Variants in NPHP4 observed in about 807,000 individuals in gnomAD.
The protein encoded by NPHP4 is nephrocystin-4.
Under a neutral mutation model 155.8 loss-of-function variants are expected in NPHP4, and 151 were observed. The observed-to-expected ratio is 0.97, with a 90% CI of 0.85 to 1.11. The LOEUF is 1.11. Among genes scored for constraint, NPHP4 ranks in the 50% least tolerant of loss-of-function variants. NPHP4 has a pLI of 0.00. For synonymous variants in NPHP4, 845 were observed against 816.8 expected, an observed-to-expected ratio of 1.03 and a Z score of -0.59; for missense variants, 1,956 against 1,925.7, an observed-to-expected ratio of 1.02 and a Z score of -0.29.
chr1:5,915,028 G>GT (rs1645396164), intron 11 of NPHP4, among the ~76,000 whole-genome samples: 1 of 152,204 alleles, frequency 6.6e-6, no homozygotes, highest in Non-Finnish European at 1.5e-5. Flanking sequence ...TCCTAACAGA[G>GT]GAAAATGCTC....
chr1:5,967,267 T>G, intron 5 of NPHP4, 32 bp downstream of exon 5: 10 of 1,562,896 alleles, frequency 6.4e-6, no homozygotes, highest in Non-Finnish European at 8.7e-6. Flanking sequence ...ACGAGAGCAG[T>G]GAGTGCTGCC....
chr1:5,948,397 T>G, intron 7 of NPHP4, 146 bp from the exon 8 acceptor site: 1 of 633,922 alleles, frequency 1.6e-6, no homozygotes. Flanking sequence ...TCAAGATGAG[T>G]GCAAGCAAAT....
chr1:5,930,657 C>T (rs12353987), intron 10 of NPHP4, among the ~76,000 whole-genome samples: 3,210 of 152,278 alleles, frequency 0.021, 92 homozygotes, highest in African/African-American at 0.07. Context: ...TCTCAACTCT[C>T]TTAAAACTGA....
At chr1:5,893,372 T>G (rs1827501) in intron 16 of NPHP4, among the ~76,000 whole-genome samples, 1 of 152,060 alleles carries the variant, frequency 6.6e-6, no homozygotes, top group Non-Finnish European at 1.5e-5. Flanking sequence ...CAGGGTAAAG[T>G]GTGTGAGTCA....
intron 20 of NPHP4, among the ~76,000 whole-genome samples, chr1:5,875,394 C>T (rs894042832): frequency 3.3e-5 from 5 of 152,216 alleles, no homozygotes; most frequent in South Asian, 2.1e-4. Flanking sequence ...TCTGGCCCCC[C>T]GCACGGTGGA....
chr1:5,985,341 T>C (rs1226394331), intron 2 of NPHP4, among the ~76,000 whole-genome samples: 2 of 152,226 alleles, frequency 1.3e-5, no homozygotes, highest in East Asian at 3.8e-4. Context: ...GGGTGTCCCG[T>C]GGGCAGCAGC....
chr1:5,916,148 C>CA (rs1374126249), intron 11 of NPHP4, among the ~76,000 whole-genome samples: 4 of 152,140 alleles, frequency 2.6e-5, no homozygotes, highest in Non-Finnish European at 5.9e-5. Context: ...TTCCAAGTTA[C>CA]AAAAAAATAA....
Position 5,874,560 on chromosome 1 carries a change from C to G in NPHP4, c.3142G>C (p.Ala1048Pro). The G allele has an allele frequency of 1.2e-6, 2 of 1,605,604 alleles. No homozygotes were observed. The highest frequency in any genetic ancestry group is 1.7e-6 in the Non-Finnish European group (2 of 1,176,792). The change falls in exon 22 of 30, where the codon GCC becomes CCC. Residue 1048 changes from alanine (A) to proline (P), a missense_variant. Coordinates refer to ENST00000378156, the MANE Select transcript of NPHP4 (RefSeq NM_015102.5). ...EDMFHLRGSL[A>P]PQLYLRPHET... The stretch of plus-strand genomic sequence containing the variant: ...TGGGGGCGCAGGTAGAGCTGGGGGG[C>G]CAGGCTGCCACGCAGGTGGAACATG...
chr1:5,985,056 C>T (rs1655264978), intron 2 of NPHP4, among the ~76,000 whole-genome samples: 1 of 152,198 alleles, frequency 6.6e-6, no homozygotes, highest in African/African-American at 2.4e-5. Flanking sequence ...AAGCAGCAGC[C>T]ACCACAGTAC....
rs529397470 is a variant in NPHP4 at position 5,945,791 on chromosome 1, G to A, written c.1119+1313C>T. Among the ~76,000 whole-genome samples the A allele has an allele frequency of 7.9e-5, 12 of 152,308 alleles. No homozygotes were observed. In the East Asian group the frequency reaches 2.3e-3, roughly 29 times the overall value. ...AAGTACCCCGATCTGCAGTTTCAGT[G>A]ACCCTCAGTCAACCTTGGTCTGAAA... is the stretch of plus-strand genomic sequence containing the variant. On this transcript the variant is annotated intron_variant, in intron 9 of 29. Transcript: ENST00000378156.
chr1:5,961,955 G>A lies in NPHP4; in HGVS notation c.518-6C>T, dbSNP rs763077205. 1.1e-5 allele frequency: 17 copies of A among 1,590,374 alleles called. No homozygotes were observed. In the Admixed American group the frequency reaches 2.4e-4, roughly 22 times the overall value. Reference sequence around the variant, plus strand: ...GAGGGTCATGTGTCTGTTTTCTGGTGAAGAAAACACAATGTGATCAACTGA... The same window carrying A: ...GAGGGTCATGTGTCTGTTTTCTGGTAAAGAAAACACAATGTGATCAACTGA... On this transcript the variant is annotated splice_polypyrimidine_tract_variant and splice_region_variant and intron_variant, in intron 5 of 29. Transcript: ENST00000378156.
chr1:5,929,869 A>G (rs11120805), intron 10 of NPHP4, among the ~76,000 whole-genome samples: 32,136 of 152,094 alleles, frequency 0.21, 4,026 homozygotes, highest in African/African-American at 0.35. Context: ...GAAATAGATT[A>G]TATAAAAGTG....
chr1:5,933,171 G>C lies in NPHP4; in HGVS notation c.1278C>G (p.Pro426=), dbSNP rs753186961. The change falls in exon 10 of 30, where the codon CCC becomes CCG. Residue 426 remains proline (P), a synonymous_variant. Coordinates refer to ENST00000378156, the MANE Select transcript of NPHP4 (RefSeq NM_015102.5). The part of the protein sequence containing the change: ...NPSHCLVYKV[P]SASMSSEEVK... ...CCTCTTCAGAGCTCATGCTGGCTGA[G>C]GGTACCTTGTAGACCAGACAGTGCG... 1.9e-6 allele frequency: 3 copies of C among 1,598,866 alleles called. No homozygotes were observed. Among genetic ancestry groups the C allele is most frequent in the Non-Finnish European group, 1.7e-6 (2 of 1,168,740 alleles).
chr1:5,863,715 C>T (rs1456204990), intron 29 of NPHP4, 175 bp downstream of exon 29: 2 of 683,254 alleles, frequency 2.9e-6, no homozygotes, highest in African/African-American at 1.8e-5. Context: ...GCTAAATCTC[C>T]AGCTACTAAA....
Position 5,867,195 on chromosome 1 carries a change from T to A in NPHP4, c.3473-80A>T. ...AGAAGGCCCCACACATTACACACTATAGGACAGGACAGGCTCGTCACAGGT... is the reference window on the plus strand; with the variant it reads ...AGAAGGCCCCACACATTACACACTAAAGGACAGGACAGGCTCGTCACAGGT... On this transcript the variant is annotated intron_variant, in intron 24 of 29. Coordinates refer to ENST00000378156, the MANE Select transcript of NPHP4 (RefSeq NM_015102.5). The surrounding 1 kb of genome is among the most constrained non-coding windows in gnomAD (Gnocchi z 4.1). The A allele has an allele frequency of 9.2e-7, 1 of 1,090,000 alleles. No homozygotes were observed. Among genetic ancestry groups the A allele is most frequent in the Non-Finnish European group, 1.4e-6 (1 of 732,246 alleles). 67.5% of individuals were successfully genotyped at this position (1,090,000 alleles called of 1,614,324 possible).
In NPHP4 at chr1:5,882,207, C is replaced by G. The variant is rs989716618; in HGVS notation, c.2486-1968G>C. 4.7e-5 allele frequency: 7 copies of G among 150,442 alleles called. No individual in the cohort carries two copies. The highest frequency in any genetic ancestry group is 7.4e-5 in the Non-Finnish European group (5 of 67,570). 9.3% of individuals were successfully genotyped at this position (150,442 alleles called of 1,614,324 possible). On this transcript the variant is annotated intron_variant, in intron 18 of 29. Transcript: ENST00000378156. The surrounding 1 kb of genome is among the most constrained non-coding windows in gnomAD (Gnocchi z 5.1). The stretch of plus-strand genomic sequence containing the variant: ...CTCAGTGGCGCGCTTACCCAGCCAT[C>G]TCTCAGTGGCGCGCTTACCCAGCCA...
intron 10 of NPHP4, among the ~76,000 whole-genome samples, chr1:5,932,505 G>A (rs2101733722): frequency 1.3e-5 from 2 of 152,278 alleles, no homozygotes; most frequent in South Asian, 4.1e-4. Context: ...GTTTCGCACT[G>A]TCTGTGGTGC....
chr1:5,914,097 C>T (rs915390454), intron 11 of NPHP4, among the ~76,000 whole-genome samples: 3 of 151,974 alleles, frequency 2.0e-5, no homozygotes, highest in Non-Finnish European at 2.9e-5. Flanking sequence ...TCTCTCACTT[C>T]CAGCGTCACC....
intron 19 of NPHP4, 149 bp downstream of exon 19, chr1:5,879,965 C>A (rs1643089543): frequency 2.1e-6 from 2 of 939,858 alleles, no homozygotes; most frequent in East Asian, 5.3e-5. Context: ...ACAGTCCCGT[C>A]CTAGACGCAG....
Sources: gnomAD v4.1 joint callset for allele counts (sites outside exome capture counted in the v4.1 genomes callset) on GRCh38, gnomAD v4.1.1 for gene constraint, Gnocchi (gnomAD v3.1) non-coding constraint, MANE v1.5 for transcripts, NCBI Gene and HGNC (gene_info 2026-07-23, HGNC 2026-07-21) for gene names.